Variants in SHROOM3 observed in about 807,000 individuals in gnomAD.
SHROOM3 encodes the protein protein Shroom3.
SHROOM3 carries 47 observed loss-of-function variants against 138.6 expected under a neutral mutation model. The ratio of observed to expected loss-of-function variants is 0.34; its 90% CI spans 0.27 to 0.43. The LOEUF is 0.43. SHROOM3 is among the 20% of genes least tolerant of loss of function. SHROOM3 has a pLI of 1.00. For missense variants in SHROOM3, 2,491 were observed against 2,596.5 expected (o/e 0.96, Z 0.88); for synonymous variants, 1,062 against 1,063.3 (o/e 1.00, Z 0.02).
chr4:76,435,955 G>A lies in SHROOM3; in HGVS notation c.-98G>A. Reference sequence around the variant, plus strand: ...TCCAAACCTCTCTTTTGGCCATTGTGTGTCCTGAAGGATGGGACAACTTGT... The same window carrying A: ...TCCAAACCTCTCTTTTGGCCATTGTATGTCCTGAAGGATGGGACAACTTGT... On this transcript the variant is annotated 5_prime_UTR_variant, in exon 1 of 11. It adds an upstream start codon to the 5' untranslated region. Transcript: ENST00000296043. 1 of 1,302,742 alleles carries A rather than the reference G, an allele frequency of 7.7e-7. No homozygotes were observed. The allele number at this position is 1,302,742 out of a possible 1,614,324, so 80.7% of individuals were successfully genotyped here.
chr4:76,713,285 C>G lies in SHROOM3; in HGVS notation c.455+2998C>G, dbSNP rs796129923. On this transcript the variant is annotated intron_variant, in intron 3 of 10. Coordinates refer to ENST00000296043, the MANE Select transcript of SHROOM3 (RefSeq NM_020859.4). ...AACACAGACACATTGTATAGCTATA[C>G]AAATATTTTCTTTTTTATATCCTTA... is the stretch of plus-strand genomic sequence containing the variant. Among the ~76,000 whole-genome samples, 68 of 152,294 alleles carry G rather than the reference C, an allele frequency of 4.5e-4. 2 individuals carry two copies. The highest frequency in any genetic ancestry group is 1.5e-3 in the African/African-American group (64 of 41,570).
intron 1 of SHROOM3, among the ~76,000 whole-genome samples, chr4:76,515,793 C>A (rs1732431932): frequency 6.6e-6 from 1 of 152,100 alleles, no homozygotes; most frequent in African/African-American, 2.4e-5. Context: ...TATTTAAAGT[C>A]ATGTTGAGAA....
chr4:76,483,387 T>A (rs1471934327), intron 1 of SHROOM3, among the ~76,000 whole-genome samples: 1 of 151,904 alleles, frequency 6.6e-6, no homozygotes, highest in African/African-American at 2.4e-5. Flanking sequence ...CCAACAAACA[T>A]ATGAAAAAAA....
At chr4:76,670,788 A>G (rs1342123452) in intron 2 of SHROOM3, among the ~76,000 whole-genome samples, 2 of 152,034 alleles carry the variant, frequency 1.3e-5, no homozygotes, top group Non-Finnish European at 2.9e-5. Flanking sequence ...CCCTCTCTCT[A>G]CTAAACATAC....
intron 1 of SHROOM3, among the ~76,000 whole-genome samples, chr4:76,535,788 G>C (rs936813946): frequency 3.9e-5 from 6 of 152,196 alleles, no homozygotes; most frequent in African/African-American, 1.2e-4. Context: ...TGACTTTGTT[G>C]TCACTGCATC....
intron 2 of SHROOM3, among the ~76,000 whole-genome samples, chr4:76,679,694 A>C (rs1257438260): frequency 3.3e-5 from 5 of 152,046 alleles, no homozygotes; most frequent in Admixed American, 3.3e-4. Flanking sequence ...TAATATTCTC[A>C]CTTCTGCTCA....
intron 2 of SHROOM3, among the ~76,000 whole-genome samples, chr4:76,677,543 GCTGCTTCTCTTACCA>G (rs1719073831): frequency 6.6e-6 from 1 of 152,282 alleles, no homozygotes; most frequent in East Asian, 1.9e-4. Context: ...ATACATGGTG[GCTGCTTCTCTTACCA>G]ATAGACAATG....
At chr4:76,626,316 T>C (rs1342142752) in intron 2 of SHROOM3, among the ~76,000 whole-genome samples, 1 of 152,188 alleles carries the variant, frequency 6.6e-6, no homozygotes, top group Non-Finnish European at 1.5e-5. Flanking sequence ...ATTAATTCTA[T>C]TTGCCTGAAT....
At chr4:76,749,228 A>C (rs1166102674) in intron 6 of SHROOM3, 138 bp downstream of exon 6, 12 of 750,722 alleles carry the variant, frequency 1.6e-5, no homozygotes, top group Non-Finnish European at 2.6e-5. Flanking sequence ...GCCATGGATA[A>C]CTTTTTTTTT....
intron 1 of SHROOM3, among the ~76,000 whole-genome samples, chr4:76,523,143 C>T (rs1248817279): frequency 2.0e-5 from 3 of 152,170 alleles, no homozygotes; most frequent in African/African-American, 7.2e-5. Flanking sequence ...CTGGTAGTTG[C>T]CAGCACTCCT....
rs866890427 is a variant in SHROOM3, at chr4:76,466,839, G to A, written c.168+30619G>A. Reference sequence around the variant, plus strand: ...ACATTTTAGCAAAAATAAAAAATAAGGAAGCAATAAGTTTAGGTTTGGGCT... The same window carrying A: ...ACATTTTAGCAAAAATAAAAAATAAAGAAGCAATAAGTTTAGGTTTGGGCT... On this transcript the variant is annotated intron_variant, in intron 1 of 10. Coordinates refer to ENST00000296043, the MANE Select transcript of SHROOM3 (RefSeq NM_020859.4). Among the ~76,000 whole-genome samples, 3 of 152,052 alleles carry A rather than the reference G, an allele frequency of 2.0e-5. No homozygotes were observed. In the South Asian group the frequency reaches 6.2e-4, roughly 32 times the overall value.
chr4:76,631,203 C>CTTTTT (rs71212436), intron 2 of SHROOM3, among the ~76,000 whole-genome samples: 1,100 of 104,128 alleles, frequency 0.011, 39 homozygotes, highest in African/African-American at 0.018. Context: ...TTTTTTTAAT[C>CTTTTT]TTTTTTTTTT....
chr4:76,532,066 T>C (rs10020370), intron 1 of SHROOM3, among the ~76,000 whole-genome samples: 7,139 of 90,084 alleles, frequency 0.079, 679 homozygotes, highest in African/African-American at 0.26. Context: ...CCTCCCCCCA[T>C]CCCATGACAG....
At chr4:76,660,538 C>A (rs1736161532) in intron 2 of SHROOM3, among the ~76,000 whole-genome samples, 1 of 152,046 alleles carries the variant, frequency 6.6e-6, no homozygotes, top group African/African-American at 2.4e-5. Context: ...TGCAGTGGAG[C>A]AATCTCGGCT....
intron 2 of SHROOM3, among the ~76,000 whole-genome samples, chr4:76,632,411 A>G (rs1735352220): frequency 6.6e-6 from 1 of 152,178 alleles, no homozygotes; most frequent in African/African-American, 2.4e-5. Context: ...CAAGGAGAGA[A>G]ACTCAGTAGG....
chr4:76,730,981 T>C (rs1284827765), intron 4 of SHROOM3, 46 bp downstream of exon 4: 20 of 1,611,680 alleles, frequency 1.2e-5, no homozygotes, highest in Non-Finnish European at 1.4e-5. Flanking sequence ...CTTTCTAATG[T>C]CATGTTCCCA....
intron 2 of SHROOM3, among the ~76,000 whole-genome samples, chr4:76,635,467 T>A (rs1735466966): frequency 6.6e-6 from 1 of 152,186 alleles, no homozygotes; most frequent in Non-Finnish European, 1.5e-5. Context: ...TCCCCTTGAG[T>A]TCCTAATGGT....
At chr4:76,619,161 C>A (rs1038239025) in intron 2 of SHROOM3, among the ~76,000 whole-genome samples, 2 of 152,114 alleles carry the variant, frequency 1.3e-5, no homozygotes, top group East Asian at 3.8e-4. Flanking sequence ...TTTTTCATTT[C>A]TTTTAATCTG....
chr4:76,711,877 A>G (rs934258451), intron 3 of SHROOM3, among the ~76,000 whole-genome samples: 1 of 151,972 alleles, frequency 6.6e-6, no homozygotes, highest in South Asian at 2.1e-4. Flanking sequence ...TAAACATACC[A>G]AAGGTCTAGG....
Sources: gnomAD v4.1 joint callset for allele counts (sites outside exome capture counted in the v4.1 genomes callset) on GRCh38, gnomAD v4.1.1 for gene constraint, MANE v1.5 for transcripts, NCBI Gene and HGNC (gene_info 2026-07-23, HGNC 2026-07-21) for gene names.